Variants in DNM3 observed in about 807,000 individuals in gnomAD.
DNM3 encodes the protein dynamin 3.
Under a neutral mutation model 101.6 loss-of-function variants are expected in DNM3, and 47 were observed. That is an observed-to-expected ratio of 0.46 (90% CI 0.37 to 0.59). DNM3 has a LOEUF of 0.59. Among genes scored for constraint, DNM3 ranks in the 20% least tolerant of loss-of-function variants. The pLI is 0.00. For synonymous variants in DNM3, 385 were observed against 387.9 expected, an observed-to-expected ratio of 0.99 and a Z score of 0.09; for missense variants, 849 against 1,085.7, an observed-to-expected ratio of 0.78 and a Z score of 3.06.
intron 15 of DNM3, among the ~76,000 whole-genome samples, chr1:172,273,821 G>A (rs940399960): frequency 6.6e-6 from 1 of 151,952 alleles, no homozygotes; most frequent in African/African-American, 2.4e-5. Context: ...AAGGATCTTG[G>A]GGACTCCTGA....
At chr1:171,972,932 T>A (rs1270565629) in intron 2 of DNM3, among the ~76,000 whole-genome samples, 11 of 152,150 alleles carry the variant, frequency 7.2e-5, no homozygotes. Context: ...GGAGCAGAGT[T>A]CTCTCTCAAT....
At chr1:172,172,302 G>A (rs1284288837) in intron 14 of DNM3, among the ~76,000 whole-genome samples, 3 of 151,504 alleles carry the variant, frequency 2.0e-5, no homozygotes, top group Admixed American at 6.6e-5. Flanking sequence ...CCAAGACTCC[G>A]CATAGATGCC....
chr1:172,309,107 C>A (rs1214212285), intron 16 of DNM3: 12 of 355,016 alleles, frequency 3.4e-5, no homozygotes, highest in Non-Finnish European at 6.0e-5. Context: ...CAGCTCAAGA[C>A]AAAGTTTGTT....
At chr1:172,056,474 T>C (rs1264123784) in intron 10 of DNM3, among the ~76,000 whole-genome samples, 17 of 152,114 alleles carry the variant, frequency 1.1e-4, no homozygotes, top group Non-Finnish European at 1.6e-4. Context: ...CAGTGGTTCT[T>C]CCAGTACGCA....
intron 17 of DNM3, among the ~76,000 whole-genome samples, chr1:172,358,683 G>A (rs2067574650): frequency 6.6e-6 from 1 of 152,092 alleles, no homozygotes; most frequent in African/African-American, 2.4e-5. Context: ...CTGGCTTTTA[G>A]AAGGAGTCTC....
intron 17 of DNM3, among the ~76,000 whole-genome samples, chr1:172,360,076 G>T (rs1384090615): frequency 1.3e-5 from 2 of 151,864 alleles, no homozygotes; most frequent in Admixed American, 6.6e-5. Context: ...AAAATTAGTT[G>T]TTTCCTTATA....
chr1:172,025,659 A>G (rs1365846148), intron 4 of DNM3, among the ~76,000 whole-genome samples: 1 of 152,174 alleles, frequency 6.6e-6, no homozygotes, highest in African/African-American at 2.4e-5. Flanking sequence ...ACCCAGGCAA[A>G]CAGGATCTGG....
intron 1 of DNM3, among the ~76,000 whole-genome samples, chr1:171,902,868 T>C (rs553435091): frequency 6.6e-6 from 1 of 152,246 alleles, no homozygotes; most frequent in East Asian, 1.9e-4. Flanking sequence ...TAAAAAATGC[T>C]TGTTAAAGGG....
At chr1:172,314,773 G>C (rs1044635309) in intron 16 of DNM3, among the ~76,000 whole-genome samples, 13 of 152,224 alleles carry the variant, frequency 8.5e-5, no homozygotes, top group Non-Finnish European at 1.6e-4. Context: ...AGCTCAAGGA[G>C]GCCTGCCTGC....
At chr1:172,117,598 G>A (rs140895717) in intron 13 of DNM3, among the ~76,000 whole-genome samples, 3,765 of 152,270 alleles carry the variant, frequency 0.025, 112 homozygotes, top group East Asian at 0.13. Context: ...ATGTGGAACT[G>A]TAAGTCCATT....
chr1:172,123,437 G>T (rs960062438), intron 13 of DNM3, among the ~76,000 whole-genome samples: 4 of 152,174 alleles, frequency 2.6e-5, no homozygotes, highest in African/African-American at 9.7e-5. Context: ...TGGGGCCAGG[G>T]CACCTGGCAC....
At chr1:171,986,186 G>A (rs2045240785) in intron 2 of DNM3, among the ~76,000 whole-genome samples, 1 of 152,026 alleles carries the variant, frequency 6.6e-6, no homozygotes, top group South Asian at 2.1e-4. Flanking sequence ...CCTCCCTACT[G>A]TTCAGTATTC....
intron 13 of DNM3, among the ~76,000 whole-genome samples, chr1:172,107,062 T>G (rs1406437066): frequency 6.7e-5 from 10 of 150,032 alleles, no homozygotes; most frequent in Admixed American, 2.0e-4. Flanking sequence ...GGGTTTCACC[T>G]TGTTAGCCAG....
intron 13 of DNM3, among the ~76,000 whole-genome samples, chr1:172,122,395 G>T (rs1242709786): frequency 6.6e-6 from 1 of 151,898 alleles, no homozygotes; most frequent in Non-Finnish European, 1.5e-5. Flanking sequence ...ATTATTCCAT[G>T]TTACCTATGA....
chr1:172,404,586 A>T (rs2070745050), intron 20 of DNM3, among the ~76,000 whole-genome samples: 1 of 152,086 alleles, frequency 6.6e-6, no homozygotes, highest in South Asian at 2.1e-4. Context: ...AAGTCTTTCT[A>T]TTCTCTATCC....
chr1:172,012,682 C>A (rs2047208710), intron 4 of DNM3, among the ~76,000 whole-genome samples: 1 of 151,818 alleles, frequency 6.6e-6, no homozygotes, highest in South Asian at 2.1e-4. Context: ...AATATTAAAT[C>A]TTCCAAGTAC....
rs907611083 is a variant in DNM3, at chr1:171,848,526, G to T, written c.161+6709G>T. ...TAGCTAGAAAGATATGCCTGAGATG[G>T]TCATCAATAGGCCTTGCTTAAACCA... On this transcript the variant is annotated intron_variant, in intron 1 of 20. Coordinates refer to ENST00000627582, the MANE Select transcript of DNM3 (RefSeq NM_015569.5). Among the ~76,000 whole-genome samples the T allele has an allele frequency of 2.6e-5, 4 of 152,226 alleles. No homozygotes were observed. In the East Asian group the frequency reaches 5.8e-4, roughly 22 times the overall value.
chr1:172,370,247 A>G (rs2149034635), intron 17 of DNM3: 1 of 152,072 alleles, frequency 6.6e-6, no homozygotes, highest in Middle Eastern at 3.4e-3. Flanking sequence ...TGTGGCTTGC[A>G]TTATACTTCA....
chr1:172,035,952 T>C (rs1221593646), intron 6 of DNM3, among the ~76,000 whole-genome samples: 1 of 152,198 alleles, frequency 6.6e-6, no homozygotes, highest in East Asian at 1.9e-4. Context: ...AAATAGTTTC[T>C]TCAGTCAATC....
Sources: allele counts gnomAD v4.1 joint callset (sites outside exome capture counted in the v4.1 genomes callset), GRCh38; gene constraint gnomAD v4.1.1; transcripts MANE v1.5; gene names NCBI Gene and HGNC (gene_info 2026-07-23, HGNC 2026-07-21).